Variants in ZNF728 observed in about 807,000 individuals in gnomAD.
The protein encoded by ZNF728 is zinc finger protein 728.
A neutral mutation model predicts 12.5 loss-of-function variants in ZNF728; 12 were observed. The observed-to-expected ratio is 0.96, with a 90% confidence interval of 0.61 to 1.55. The LOEUF (loss-of-function observed/expected upper bound fraction) is 1.55, where lower values mean the gene tolerates loss of function less well. Ranked by LOEUF, ZNF728 falls within the 40% of genes most tolerant of loss-of-function variation. ZNF728 has a pLI of 0.00. For synonymous variants in ZNF728, 205 were observed against 240.7 expected, an observed-to-expected ratio of 0.85 and a Z score of 1.37; for missense variants, 692 against 719.2, an observed-to-expected ratio of 0.96 and a Z score of 0.43.
Position 22,987,718 on chromosome 19 carries a change from GGTTAA to G in ZNF728, c.131-320_131-316del, listed in dbSNP as rs139924158. ...AGGACAGAGATCAGCTCAAGAATGT[GGTTAA>G]GTTAAGGTCAAGATGAAACATCTTG... On this transcript the variant is annotated intron_variant, in intron 2 of 3. Transcript: ENST00000594710. Among the ~76,000 whole-genome samples, 1,263 of 152,114 alleles carry G rather than the reference GGTTAA, an allele frequency of 8.3e-3. 13 individuals are homozygous for G. The highest frequency in any genetic ancestry group is 0.028 in the African/African-American group (1,149 of 41,494).
chr19:23,001,592 T>G (rs1239774507), intron 1 of ZNF728, among the ~76,000 whole-genome samples: 1 of 152,206 alleles, frequency 6.6e-6, no homozygotes, highest in Non-Finnish European at 1.5e-5. Flanking sequence ...GAAGGGTGGC[T>G]GAGGACACAT....
At chr19:22,982,553 C>T (rs576796093) in intron 3 of ZNF728, among the ~76,000 whole-genome samples, 2 of 152,186 alleles carry the variant, frequency 1.3e-5, no homozygotes, top group East Asian at 3.9e-4. Context: ...TATAGCCAAT[C>T]CTAAGCAAAA....
intron 1 of ZNF728, among the ~76,000 whole-genome samples, chr19:22,998,521 A>G (rs993206173): frequency 2.0e-5 from 3 of 152,194 alleles, no homozygotes; most frequent in African/African-American, 7.2e-5. Flanking sequence ...TCCTCACTGC[A>G]GATGCCAGTC....
intron 3 of ZNF728, among the ~76,000 whole-genome samples, chr19:22,982,039 G>C (rs1968866286): frequency 6.6e-6 from 1 of 152,036 alleles, no homozygotes; most frequent in Non-Finnish European, 1.5e-5. Context: ...GGGCAATCAG[G>C]CAAGAAAAAG....
At chr19:22,978,927 T>C (rs1968833658) in intron 3 of ZNF728, among the ~76,000 whole-genome samples, 1 of 151,960 alleles carries the variant, frequency 6.6e-6, no homozygotes, top group Non-Finnish European at 1.5e-5. Context: ...AGGCTGAAAA[T>C]TCCAAAAACC....
intron 3 of ZNF728, among the ~76,000 whole-genome samples, chr19:22,982,521 T>C (rs192006783): frequency 4.6e-4 from 70 of 152,030 alleles, no homozygotes; most frequent in Admixed American, 3.8e-3. Context: ...CTAAATTTAA[T>C]ATGGAACCAA....
intron 1 of ZNF728, among the ~76,000 whole-genome samples, chr19:23,002,124 T>A (rs1468563508): frequency 6.6e-6 from 1 of 152,232 alleles, no homozygotes; most frequent in Non-Finnish European, 1.5e-5. Flanking sequence ...AAGACCAGCC[T>A]GACCAACATG....
At chr19:22,977,574 A>G (rs1968820489) in intron 3 of ZNF728, among the ~76,000 whole-genome samples, 1 of 151,894 alleles carries the variant, frequency 6.6e-6, no homozygotes, top group Non-Finnish European at 1.5e-5. Flanking sequence ...TATACTTAGA[A>G]ATGACAGTTT....
chr19:22,989,637 AC>A (rs1239114790), intron 1 of ZNF728, among the ~76,000 whole-genome samples: 1 of 151,598 alleles, frequency 6.6e-6, no homozygotes, highest in East Asian at 1.9e-4. Flanking sequence ...CTGAGATATT[AC>A]CCCCCAAAAG....
chr19:22,988,880 C>T (rs893428786), intron 1 of ZNF728, among the ~76,000 whole-genome samples: 9 of 151,752 alleles, frequency 5.9e-5, no homozygotes, highest in Non-Finnish European at 7.4e-5. Context: ...GGAGAAACCA[C>T]GTCTGTACTA....
At chr19:23,002,234 G>C (rs1407985225) in intron 1 of ZNF728, among the ~76,000 whole-genome samples, 1 of 152,230 alleles carries the variant, frequency 6.6e-6, no homozygotes, top group Non-Finnish European at 1.5e-5. Flanking sequence ...AGAATCGCTT[G>C]AACCTGGGAG....
intron 1 of ZNF728, among the ~76,000 whole-genome samples, chr19:23,000,958 T>C (rs1969107762): frequency 6.6e-6 from 1 of 151,168 alleles, no homozygotes; most frequent in Non-Finnish European, 1.5e-5. Context: ...CGGATATGTC[T>C]GACTCATGTG....
intron 1 of ZNF728, among the ~76,000 whole-genome samples, chr19:22,990,858 A>T (rs1214104029): frequency 6.6e-6 from 1 of 152,224 alleles, no homozygotes; most frequent in Non-Finnish European, 1.5e-5. Flanking sequence ...CTTAACTAAG[A>T]CTAAGCATTT....
chr19:22,983,092 A>G (rs1391569308), intron 3 of ZNF728, among the ~76,000 whole-genome samples: 1 of 152,114 alleles, frequency 6.6e-6, no homozygotes, highest in Non-Finnish European at 1.5e-5. Flanking sequence ...GATGGGAGAA[A>G]AATTTTGCAA....
rs1187046139 is a variant in ZNF728 at position 22,987,403 on chromosome 19, C to A, written c.131G>T (p.Gly44Val). The A allele has an allele frequency of 1.3e-6, 2 of 1,595,766 alleles. No homozygotes were observed. Among genetic ancestry groups the A allele is most frequent in the Non-Finnish European group, 1.7e-6 (2 of 1,173,038 alleles). The change falls in exon 3 of 4, where the codon GGT becomes GTT. Residue 44 changes from glycine to valine, a missense_variant and splice_region_variant. Around this residue, in one of 3 missense-constraint regions of ZNF728, gnomAD observed 440 missense variants for 459.6 expected, o/e 0.96. Coordinates refer to ENST00000594710, the MANE Select transcript of ZNF728 (RefSeq NM_001267716.2). ...LENYRNLVFL[G>V]IAAPKPDLII... ...CAGGTCTGGCTTAGGGGCAGCAATACCTGTTTTATTAAAAATGAGTAACAT... is the reference window on the plus strand; with the variant it reads ...CAGGTCTGGCTTAGGGGCAGCAATAACTGTTTTATTAAAAATGAGTAACAT...
Position 22,999,518 on chromosome 19 carries a change from A to AAC in ZNF728, c.3+3508_3+3509dup, listed in dbSNP as rs145198680. On this transcript the variant is annotated intron_variant, in intron 1 of 3. Coordinates refer to ENST00000594710, the MANE Select transcript of ZNF728 (RefSeq NM_001267716.2). Reference sequence around the variant, plus strand: ...AGAAGGAACTAACTGGGCCTTTAATAACCTCCTTTTGCCGGCTCAAAATTA... The same window carrying AAC: ...AGAAGGAACTAACTGGGCCTTTAATAACACCTCCTTTTGCCGGCTCAAAATTA... Among the ~76,000 whole-genome samples, 719 of 152,248 alleles carry AAC rather than the reference A, an allele frequency of 4.7e-3. 3 individuals carry two copies. Among genetic ancestry groups the AAC allele is most frequent in the African/African-American group, 0.017 (692 of 41,562 alleles).
intron 3 of ZNF728, among the ~76,000 whole-genome samples, chr19:22,984,379 T>C (rs1285724790): frequency 1.3e-5 from 2 of 151,716 alleles, no homozygotes; most frequent in South Asian, 2.1e-4. Flanking sequence ...GCCAACATAG[T>C]GAAACCCTGT....
At chr19:22,982,487 C>A (rs1568275271) in intron 3 of ZNF728, among the ~76,000 whole-genome samples, 1 of 152,154 alleles carries the variant, frequency 6.6e-6, no homozygotes, top group African/African-American at 2.4e-5. Flanking sequence ...CTACCATTAA[C>A]TTTCTTTACA....
At chr19:22,990,657 A>T (rs1968977265) in intron 1 of ZNF728, among the ~76,000 whole-genome samples, 2 of 152,102 alleles carry the variant, frequency 1.3e-5, no homozygotes, top group African/African-American at 4.8e-5. Context: ...ATGGAACTTA[A>T]CTCTCATGAA....
Sources: allele counts gnomAD v4.1 joint callset (sites outside exome capture counted in the v4.1 genomes callset), GRCh38; gene constraint gnomAD v4.1.1; regional missense constraint gnomAD v4.1.1; transcripts MANE v1.5; gene names NCBI Gene and HGNC (gene_info 2026-07-23, HGNC 2026-07-21).